MINDY2: variants seen among roughly 807,000 people sequenced by gnomAD.
MINDY2 encodes the protein MINDY lysine 48 deubiquitinase 2, also known as ubiquitin carboxyl-terminal hydrolase MINDY-2.
In MINDY2, 52 loss-of-function variants were observed where a neutral mutation model predicts 68.2. The ratio of observed to expected loss-of-function variants is 0.76; its 90% confidence interval spans 0.61 to 0.96. The LOEUF (loss-of-function observed/expected upper bound fraction) is 0.96, where lower values mean the gene tolerates loss of function less well. MINDY2 is among the 40% of genes least tolerant of loss of function. The pLI is 0.00. For synonymous variants in MINDY2, 372 were observed against 303.0 expected (o/e 1.23, Z -2.36); for missense variants, 881 against 773.4 (o/e 1.14, Z -1.65).
chr15:58,781,261 A>G (rs558808445), intron 1 of MINDY2, among the ~76,000 whole-genome samples: 11 of 152,220 alleles, frequency 7.2e-5, no homozygotes, highest in Admixed American at 5.9e-4. Flanking sequence ...CATGTTGGCC[A>G]GGCTGGTCTT....
At chr15:58,837,367 G>A (rs769998704) in intron 6 of MINDY2, among the ~76,000 whole-genome samples, 1 of 151,990 alleles carries the variant, frequency 6.6e-6, no homozygotes, top group Non-Finnish European at 1.5e-5. Flanking sequence ...GAGGCCCAGA[G>A]TTCAAAGCCA....
At chr15:58,798,780 G>C (rs1191723733) in intron 2 of MINDY2, among the ~76,000 whole-genome samples, 2 of 152,148 alleles carry the variant, frequency 1.3e-5, no homozygotes, top group African/African-American at 2.4e-5. Context: ...CACTGAGCAT[G>C]TATTGTGAGC....
At chr15:58,793,561 A>T (rs530037908) in intron 2 of MINDY2, among the ~76,000 whole-genome samples, 4 of 152,348 alleles carry the variant, frequency 2.6e-5, no homozygotes, top group African/African-American at 9.6e-5. Flanking sequence ...ATTTTAAGTG[A>T]GTAGCTTGTA....
chr15:58,841,003 A>C (rs2032254032), intron 6 of MINDY2, among the ~76,000 whole-genome samples: 1 of 140,302 alleles, frequency 7.1e-6, no homozygotes, highest in Admixed American at 7.5e-5. Flanking sequence ...TTGGTGTGTG[A>C]GACACTTTCA....
At chr15:58,815,022 C>T (rs2030584371) in intron 4 of MINDY2, among the ~76,000 whole-genome samples, 1 of 151,970 alleles carries the variant, frequency 6.6e-6, no homozygotes, top group Non-Finnish European at 1.5e-5. Flanking sequence ...CTTTGCCTAA[C>T]CAAAAATCAA....
intron 1 of MINDY2, among the ~76,000 whole-genome samples, chr15:58,779,802 C>T (rs1901016147): frequency 6.6e-6 from 1 of 152,134 alleles, no homozygotes; most frequent in African/African-American, 2.4e-5. Context: ...TAAATACCGC[C>T]AGTAGGAGTT....
At chr15:58,802,749 T>C (rs1228720021) in intron 3 of MINDY2, among the ~76,000 whole-genome samples, 3 of 152,228 alleles carry the variant, frequency 2.0e-5, no homozygotes, top group African/African-American at 2.4e-5. Flanking sequence ...AATTAAGTTA[T>C]GTTCAGGAGA....
chr15:58,854,269 T>G (rs1344566505), intron 8 of MINDY2, among the ~76,000 whole-genome samples: 4 of 152,016 alleles, frequency 2.6e-5, no homozygotes, highest in Non-Finnish European at 5.9e-5. Context: ...AAAAGAAATT[T>G]TATTTATTCA....
At chr15:58,829,279 T>G (rs1332093662) in intron 5 of MINDY2, among the ~76,000 whole-genome samples, 1 of 152,216 alleles carries the variant, frequency 6.6e-6, no homozygotes, top group African/African-American at 2.4e-5. Context: ...CATTGTTTTT[T>G]CTAGTTCTTA....
At chr15:58,791,636 G>C (rs1901936725) in intron 2 of MINDY2, among the ~76,000 whole-genome samples, 1 of 148,062 alleles carries the variant, frequency 6.8e-6, no homozygotes, top group African/African-American at 2.6e-5. Context: ...GTGTGTGTGT[G>C]TGTGTGTGTG....
At chr15:58,845,375 C>T (rs1031696227) in intron 6 of MINDY2, among the ~76,000 whole-genome samples, 8 of 152,158 alleles carry the variant, frequency 5.3e-5, no homozygotes, top group African/African-American at 1.7e-4. Flanking sequence ...CACTGAACTC[C>T]AGCCTGGGCA....
At chr15:58,825,408 T>C (rs1433101486) in intron 5 of MINDY2, among the ~76,000 whole-genome samples, 1 of 152,192 alleles carries the variant, frequency 6.6e-6, no homozygotes, top group Non-Finnish European at 1.5e-5. Flanking sequence ...TCTTTTCCAG[T>C]ACAATGATGA....
At chr15:58,836,145 C>T (rs1453474606) in intron 6 of MINDY2, among the ~76,000 whole-genome samples, 5 of 152,008 alleles carry the variant, frequency 3.3e-5, no homozygotes, top group Admixed American at 6.6e-5. Flanking sequence ...CTCCTGATCT[C>T]GTGATCTGCC....
chr15:58,829,487 G>A (rs1353381791), intron 5 of MINDY2, among the ~76,000 whole-genome samples: 2 of 152,134 alleles, frequency 1.3e-5, no homozygotes, highest in Admixed American at 1.3e-4. Context: ...AAAAGAAGTA[G>A]CTGAGAAAGA....
chr15:58,807,654 C>T (rs1021635818), intron 3 of MINDY2, among the ~76,000 whole-genome samples: 10 of 152,152 alleles, frequency 6.6e-5, no homozygotes. Context: ...TGAGCCATTG[C>T]GCCCGGCCTA....
At position 58,847,312 on chromosome 15, in the gene MINDY2, T is replaced by C. The variant is rs752341008; in HGVS notation, c.1384T>C (p.Leu462=). 75 of 1,578,862 alleles carry C rather than the reference T, an allele frequency of 4.8e-5. No homozygotes were observed. Among genetic ancestry groups the C allele is most frequent in the Non-Finnish European group, 5.8e-5 (67 of 1,153,128 alleles). ...TCTTATTAAGGGTCAACTGTATTTG[T>C]TGGTAACGGACCAGGGGTTTCTTAC... ...MTKYKGQLYL[L]VTDQGFLTEE... The change falls in exon 7 of 9, where the codon TTG becomes CTG. Residue 462 remains leucine, a synonymous_variant. Coordinates refer to ENST00000559228, the MANE Select transcript of MINDY2 (RefSeq NM_001040450.3).
At chr15:58,789,114 G>T (rs1048549406) in intron 2 of MINDY2, among the ~76,000 whole-genome samples, 1 of 152,220 alleles carries the variant, frequency 6.6e-6, no homozygotes, top group Non-Finnish European at 1.5e-5. Flanking sequence ...GAGGCGGGCC[G>T]ATCACAAGGT....
intron 2 of MINDY2, among the ~76,000 whole-genome samples, chr15:58,799,364 G>A (rs1902490256): frequency 6.6e-6 from 1 of 152,156 alleles, no homozygotes; most frequent in Non-Finnish European, 1.5e-5. Flanking sequence ...TCGGGAGATC[G>A]AGACCATCCT....
At chr15:58,820,106 A>C (rs1001480541) in intron 4 of MINDY2, among the ~76,000 whole-genome samples, 1 of 152,148 alleles carries the variant, frequency 6.6e-6, no homozygotes, top group Non-Finnish European at 1.5e-5. Flanking sequence ...ACTCTACTAA[A>C]AATACAAAAA....
Sources: gnomAD v4.1 joint callset for allele counts (sites outside exome capture counted in the v4.1 genomes callset) on GRCh38, gnomAD v4.1.1 for gene constraint, MANE v1.5 for transcripts, NCBI Gene and HGNC (gene_info 2026-07-23, HGNC 2026-07-21) for gene names.